Variants in ZNF782 observed in about 807,000 individuals in gnomAD.
ZNF782 encodes the protein zinc finger protein 782.
A neutral mutation model predicts 13.0 loss-of-function variants in ZNF782; 12 were observed. The ratio of observed to expected loss-of-function variants is 0.92; its 90% CI spans 0.59 to 1.50. The LOEUF (loss-of-function observed/expected upper bound fraction) is 1.50. ZNF782 is among the 40% of genes most tolerant of loss of function. The pLI is 0.00. For synonymous variants in ZNF782, 284 were observed against 283.0 expected (o/e 1.00, Z -0.04); for missense variants, 770 against 822.9 (o/e 0.94, Z 0.79).
chr9:96,870,836 C>G (rs1306602829), intron 1 of ZNF782, among the ~76,000 whole-genome samples: 1 of 152,198 alleles, frequency 6.6e-6, no homozygotes, highest in Non-Finnish European at 1.5e-5. Flanking sequence ...ACTGAAGGGG[C>G]TCTTCCTTCC....
the ZNF782 span, chr9:96,892,000 A>C: frequency 1.3e-5 from 2 of 152,120 alleles, no homozygotes; most frequent in African/African-American, 4.8e-5. Context: ...GCGAAAGGAC[A>C]CTTCTGTTAA....
the ZNF782 span, chr9:96,931,701 C>G: frequency 8.7e-6 from 14 of 1,610,988 alleles, no homozygotes; most frequent in Non-Finnish European, 1.2e-5. Flanking sequence ...GCTCATTCAC[C>G]TCTTTCCTTT....
At chr9:96,876,600 G>A (rs1312417588), upstream of ZNF782, among the ~76,000 whole-genome samples, 1 of 152,154 alleles carries the variant, frequency 6.6e-6, no homozygotes, top group Non-Finnish European at 1.5e-5. Flanking sequence ...CTTGCACACG[G>A]AGCACAGCAT....
At chr9:96,825,679 G>C (rs971740310) in intron 5 of ZNF782, among the ~76,000 whole-genome samples, 8 of 152,236 alleles carry the variant, frequency 5.3e-5, no homozygotes, top group African/African-American at 1.9e-4. Flanking sequence ...CTAATATCCA[G>C]AATCTACAAA....
chr9:96,899,234 G>C, the ZNF782 span, among the ~76,000 whole-genome samples: 33 of 151,630 alleles, frequency 2.2e-4, no homozygotes, highest in African/African-American at 7.8e-4. Flanking sequence ...CTAGGTGACA[G>C]AGTGAGACTC....
upstream of ZNF782, among the ~76,000 whole-genome samples, chr9:96,858,698 T>TTTTG (rs148625390): frequency 3.3e-5 from 5 of 151,766 alleles, no homozygotes; most frequent in Admixed American, 1.3e-4. This position sits in a 1 kb window ranked among gnomAD's most constrained non-coding sequence, Gnocchi z 4.4. Context: ...TGGCGCGAGG[T>TTTTG]TTTGTTTGTT....
At chr9:96,840,379 G>A (rs1244224704) in intron 4 of ZNF782, among the ~76,000 whole-genome samples, 1 of 151,838 alleles carries the variant, frequency 6.6e-6, no homozygotes, top group Non-Finnish European at 1.5e-5. Context: ...TTTTTCTCAA[G>A]CAACACTTAT....
At chr9:96,844,780 A>G in intron 4 of ZNF782, 110 bp downstream of exon 4, 1 of 1,502,474 alleles carries the variant, frequency 6.7e-7, no homozygotes, top group Non-Finnish European at 9.2e-7. Context: ...TAAAAAAGGA[A>G]AACCAGAATT....
intron 3 of ZNF782, among the ~76,000 whole-genome samples, chr9:96,849,398 G>A (rs941907920): frequency 2.6e-5 from 4 of 152,186 alleles, no homozygotes; most frequent in East Asian, 3.8e-4. Context: ...AACAGACCAC[G>A]TGGCCCTGTG....
rs764849636 is a variant in ZNF782, at chr9:96,827,090, C to T, written c.234G>A (p.Arg78=). 1.2e-6 allele frequency: 2 copies of T among 1,608,424 alleles called. No homozygotes were observed. Among genetic ancestry groups the T allele is most frequent in the South Asian group, 2.2e-5 (2 of 90,318 alleles). Residue 78 remains arginine, a synonymous_variant, in exon 5 of 6, where the codon AGG becomes AGA. Coordinates refer to ENST00000481138, the MANE Select transcript of ZNF782 (RefSeq NM_001001662.3). ...LLEKEKGFLS[R]NSPEDSQPDE... ...AATTCAGTAACTCACCTGGGGAGTTCCTGCTTAGAAATCCTTTCTCTTTCT... is the reference window on the plus strand; with the variant it reads ...AATTCAGTAACTCACCTGGGGAGTTTCTGCTTAGAAATCCTTTCTCTTTCT...
chr9:96,859,022 C>G, upstream of ZNF782, among the ~76,000 whole-genome samples: 1 of 152,108 alleles, frequency 6.6e-6, no homozygotes, highest in Non-Finnish European at 1.5e-5. Flanking sequence ...AACATTTACA[C>G]TAGTGCCCAC....
chr9:96,885,732 C>CTT, the ZNF782 span, among the ~76,000 whole-genome samples: 1 of 152,108 alleles, frequency 6.6e-6, no homozygotes, highest in Non-Finnish European at 1.5e-5. Flanking sequence ...AGAAAAAAGT[C>CTT]TTGAAAGCAT....
chr9:96,848,337 T>G (rs1022910155), intron 3 of ZNF782, among the ~76,000 whole-genome samples: 1 of 151,990 alleles, frequency 6.6e-6, no homozygotes, highest in African/African-American at 2.4e-5. Flanking sequence ...GAGAAAGAAA[T>G]AAAGGGCATC....
At chr9:96,856,358 G>A (rs1159435191), upstream of ZNF782, among the ~76,000 whole-genome samples, 1 of 152,178 alleles carries the variant, frequency 6.6e-6, no homozygotes, top group African/African-American at 2.4e-5. Flanking sequence ...TTGTCTGATG[G>A]TTATTAGATG....
upstream of ZNF782, among the ~76,000 whole-genome samples, chr9:96,880,398 T>A (rs1049002975): frequency 5.3e-5 from 8 of 152,156 alleles, no homozygotes; most frequent in African/African-American, 1.9e-4. Context: ...AGCCATCAAG[T>A]GTGATGCTAG....
At position 96,852,939 on chromosome 9, in the gene ZNF782, A is replaced by G. The variant is rs989919944; in HGVS notation, c.-131T>C. ...AAACTCACTGAACCTTTCATGCCCA[A>G]TGTCTTTAAAGCTTTCAAAAGAATC... On this transcript the variant is annotated 5_prime_UTR_variant, in exon 2 of 6. Transcript: ENST00000481138. 6.6e-6 allele frequency: 1 copy of G among 152,654 alleles called. No individual in the cohort carries two copies. Among genetic ancestry groups the G allele is most frequent in the African/African-American group, 2.4e-5 (1 of 41,462 alleles). 9.5% of individuals were successfully genotyped at this position (152,654 alleles called of 1,614,324 possible). A position where few individuals can be genotyped will look rare whatever the true frequency, so the allele number is the denominator to read the frequency against.
At chr9:96,891,287 T>G in the ZNF782 span, 1 of 152,192 alleles carries the variant, frequency 6.6e-6, no homozygotes, top group Admixed American at 6.5e-5. Flanking sequence ...TTATGTATAT[T>G]TTACCACAGA....
the ZNF782 span, chr9:96,918,507 G>A: frequency 6.6e-6 from 1 of 150,644 alleles, no homozygotes; most frequent in Non-Finnish European, 1.5e-5. Context: ...GACATAATAT[G>A]GATGGGCAGA....
At chr9:96,876,616 T>G (rs1180026905), upstream of ZNF782, among the ~76,000 whole-genome samples, 1 of 151,916 alleles carries the variant, frequency 6.6e-6, no homozygotes, top group Non-Finnish European at 1.5e-5. Context: ...AGCATTACTA[T>G]AAAAGAATAG....
Sources: gnomAD v4.1 joint callset for allele counts (sites outside exome capture counted in the v4.1 genomes callset) on GRCh38, gnomAD v4.1.1 for gene constraint, Gnocchi (gnomAD v3.1) non-coding constraint, MANE v1.5 for transcripts, NCBI Gene and HGNC (gene_info 2026-07-23, HGNC 2026-07-21) for gene names.